PSMD13: variants seen among roughly 807,000 people sequenced by gnomAD.
PSMD13 encodes the protein 26S proteasome non-ATPase regulatory subunit 13.
PSMD13 carries 8 observed loss-of-function variants against 57.4 expected under a neutral mutation model. The observed-to-expected ratio is 0.14, with a 90% confidence interval of 0.08 to 0.25. The LOEUF is 0.25. Ranked by LOEUF, PSMD13 falls within the 10% of genes least tolerant of loss-of-function variation. PSMD13 has a pLI of 1.00. For synonymous variants in PSMD13, 193 were observed against 168.2 expected (o/e 1.15, Z -1.14); for missense variants, 400 against 461.5 (o/e 0.87, Z 1.22).
intron 1 of PSMD13, among the ~76,000 whole-genome samples, chr11:238,631 A>T (rs1458589653): frequency 6.6e-6 from 1 of 152,216 alleles, no homozygotes; most frequent in Non-Finnish European, 1.5e-5. Context: ...AGATGGCGCC[A>T]CTGCACTACA....
chr11:246,233 G>A (rs982509697), intron 6 of PSMD13, among the ~76,000 whole-genome samples: 12 of 152,114 alleles, frequency 7.9e-5, no homozygotes, highest in East Asian at 3.9e-4. Flanking sequence ...GGCCAGGTGC[G>A]ATGGTCACAC....
At chr11:247,511 G>A in intron 7 of PSMD13, 63 bp downstream of exon 7, 1 of 1,545,328 alleles carries the variant, frequency 6.5e-7, no homozygotes, top group Non-Finnish European at 8.8e-7. Flanking sequence ...GCATCTGTGA[G>A]TTGCTTGAGG....
intron 1 of PSMD13, among the ~76,000 whole-genome samples, chr11:237,875 C>T (rs7481993): frequency 0.79 from 120,732 of 152,202 alleles, 48,187 homozygotes; most frequent in African/African-American, 0.88. Flanking sequence ...GGAGCTATTC[C>T]ATAGAAAATA....
At chr11:245,712 T>TTG (rs757481516) in intron 6 of PSMD13, among the ~76,000 whole-genome samples, 3 of 37,682 alleles carry the variant, frequency 8.0e-5, no homozygotes, top group African/African-American at 2.2e-4. Context: ...TTGTGTGTGT[T>TTG]TGTGTGTGTG....
rs776721555 is a variant in PSMD13, at chr11:237,099, G to A, written c.50G>A (p.Gly17Glu). The change falls in exon 1 of 13, where the codon GGG becomes GAG. Residue 17 changes from glycine (G) to glutamate (E), a missense_variant. Transcript: ENST00000532097. ...CAGCAGAGCCAGAACTCCGGGCCCG[G>A]GCAGCCCGCTGTGTGGCACCGTCTG... is the stretch of plus-strand genomic sequence containing the variant. ...FLQQSQNSGP[G>E]QPAVWHRLEE... 6.2e-7 allele frequency: 1 copy of A among 1,613,824 alleles called. No individual in the cohort carries two copies. The highest frequency in any genetic ancestry group is 1.7e-5 in the Admixed American group (1 of 60,022).
chr11:241,914 T>C (rs1259775221), intron 2 of PSMD13, among the ~76,000 whole-genome samples: 1 of 151,544 alleles, frequency 6.6e-6, no homozygotes, highest in African/African-American at 2.4e-5. Flanking sequence ...TGCTTCCTAG[T>C]CTGTGTCCCT....
intron 9 of PSMD13, among the ~76,000 whole-genome samples, chr11:249,900 G>A (rs941455317): frequency 8.6e-5 from 13 of 152,038 alleles, no homozygotes; most frequent in African/African-American, 2.4e-4. Flanking sequence ...AGTGGAGCAG[G>A]GTAGATATAG....
intron 6 of PSMD13, among the ~76,000 whole-genome samples, chr11:246,521 G>A (rs764872462): frequency 2.0e-5 from 3 of 152,134 alleles, no homozygotes; most frequent in Non-Finnish European, 4.4e-5. Context: ...GGAGATTTAG[G>A]TTGTTTTTTT....
At position 250,735 on chromosome 11, in the gene PSMD13, G is replaced by C. The variant is rs143393902; in HGVS notation, c.775-68G>C. ...GTCTACTGTTATAGAACGAATTCCA[G>C]ATCCCCAGTTAAGTAACTGATAAGC... On this transcript the variant is annotated intron_variant, in intron 9 of 12. Coordinates refer to ENST00000532097, the MANE Select transcript of PSMD13 (RefSeq NM_002817.4). 8.4e-4 allele frequency: 1,224 copies of C among 1,453,544 alleles called. 17 individuals carry two copies. The African/African-American group carries it at 0.014, about 17-fold the overall frequency. The allele number at this position is 1,453,544 out of a possible 1,614,324, so 90.0% of individuals were successfully genotyped here.
rs918805530 is a variant in PSMD13 at position 252,066 on chromosome 11, A to C, written c.1035+130A>C. On this transcript the variant is annotated intron_variant, in intron 12 of 12. Coordinates refer to ENST00000532097, the MANE Select transcript of PSMD13 (RefSeq NM_002817.4). The surrounding 1 kb of genome is among the most constrained non-coding windows in gnomAD (Gnocchi z 4.1). Reference sequence around the variant, plus strand: ...TTAGACAAGAGGTTTTGGAGAAGGAAATACTGCTGTTGGGTTTTTCTAAGA... The same window carrying C: ...TTAGACAAGAGGTTTTGGAGAAGGACATACTGCTGTTGGGTTTTTCTAAGA... The C allele has an allele frequency of 3.5e-6, 3 of 859,052 alleles. No individual in the cohort carries two copies. In the African/African-American group the frequency reaches 5.1e-5, roughly 15 times the overall value. 53.2% of individuals were successfully genotyped at this position (859,052 alleles called of 1,614,324 possible).
rs6541 is a variant in PSMD13, at chr11:252,851, A to G, written c.*251A>G. On this transcript the variant is annotated 3_prime_UTR_variant, in exon 13 of 13. Transcript: ENST00000532097. The surrounding 1 kb of genome is among the most constrained non-coding windows in gnomAD (Gnocchi z 4.1). ...GGGTCTTAGGTGATACGGGAGAGAA[A>G]GAACGTGCCAGGCAGGAGGCCCCCT... The G allele has an allele frequency of 0.19, 81,679 of 436,364 alleles. 9,381 individuals are homozygous for G. The highest frequency in any genetic ancestry group is 0.23 in the Non-Finnish European group (54,126 of 236,226). The allele number at this position is 436,364 out of a possible 1,614,324, so 27.0% of individuals were successfully genotyped here.
intron 9 of PSMD13, among the ~76,000 whole-genome samples, chr11:249,636 C>G (rs1221868031): frequency 7.0e-6 from 1 of 142,798 alleles, no homozygotes; most frequent in Non-Finnish European, 1.5e-5. Flanking sequence ...GAGGTCCATG[C>G]AGGGAGAACA....
In PSMD13 at chr11:251,056, G is replaced by C; in HGVS notation, c.837+191G>C. 1 of 584,418 alleles carries C rather than the reference G, an allele frequency of 1.7e-6. No homozygotes were observed. The highest frequency in any genetic ancestry group is 2.9e-5 in the Admixed American group (1 of 34,706). The allele number at this position is 584,418 out of a possible 1,614,324, so 36.2% of individuals were successfully genotyped here. On this transcript the variant is annotated intron_variant, in intron 10 of 12. Transcript: ENST00000532097. This position sits in a 1 kb window ranked among gnomAD's most constrained non-coding sequence, Gnocchi z 4.6. ...CTTCTAAGTTTATATTTGGCTCTTA[G>C]CTCAGACGACACCCTCCCACCCCAC...
At chr11:248,239 T>C (rs1859697656) in intron 7 of PSMD13, 2 of 155,376 alleles carry the variant, frequency 1.3e-5, no homozygotes, top group African/African-American at 4.8e-5. Flanking sequence ...GGAATATATG[T>C]TCAGAAAATA....
In PSMD13 at chr11:252,966, A is replaced by C; in HGVS notation, c.*366A>C. 3 of 174,442 alleles carry C rather than the reference A, an allele frequency of 1.7e-5. No homozygotes were observed. Among genetic ancestry groups the C allele is most frequent in the Admixed American group, 5.7e-5 (1 of 17,574 alleles). 10.8% of individuals were successfully genotyped at this position (174,442 alleles called of 1,614,324 possible). ...CGGTTTGAGAATGTTCCTATAATAA[A>C]CCCCTCTGCTTTGTTCTTCTTGTGG... On this transcript the variant is annotated 3_prime_UTR_variant, in exon 13 of 13. Coordinates refer to ENST00000532097, the MANE Select transcript of PSMD13 (RefSeq NM_002817.4). This position sits in a 1 kb window ranked among gnomAD's most constrained non-coding sequence, Gnocchi z 4.1.
chr11:250,906 A>G, intron 10 of PSMD13, 41 bp downstream of exon 10: 3 of 1,596,684 alleles, frequency 1.9e-6, no homozygotes, highest in Non-Finnish European at 2.6e-6. Context: ...GTGGTTTCAG[A>G]TTTTGGTCAG....
At chr11:237,822 ACCT>A (rs1859375746) in intron 1 of PSMD13, among the ~76,000 whole-genome samples, 1 of 152,122 alleles carries the variant, frequency 6.6e-6, no homozygotes, top group Admixed American at 6.5e-5. Flanking sequence ...CTAAGCACTA[ACCT>A]CCTTTTAATA....
rs539149175 is a variant in PSMD13, at chr11:237,196, G to A, written c.95+52G>A. On this transcript the variant is annotated intron_variant, in intron 1 of 12. Coordinates refer to ENST00000532097, the MANE Select transcript of PSMD13 (RefSeq NM_002817.4). ...GCCCCGGCGATAGAGGGAGACGGAG[G>A]GGGCAGGCGGGCGGAGGAGCGGACC... 32 of 1,542,776 alleles carry A rather than the reference G, an allele frequency of 2.1e-5. No homozygotes were observed. In the East Asian group the frequency reaches 2.5e-4, roughly 12 times the overall value.
intron 2 of PSMD13, chr11:243,308 C>G: frequency 2.5e-6 from 1 of 392,806 alleles, no homozygotes; most frequent in Non-Finnish European, 5.2e-6. Context: ...TTGAACATCA[C>G]GATTCCATTC....
Sources: gnomAD v4.1 joint callset for allele counts (sites outside exome capture counted in the v4.1 genomes callset) on GRCh38, gnomAD v4.1.1 for gene constraint, Gnocchi (gnomAD v3.1) non-coding constraint, MANE v1.5 for transcripts, NCBI Gene and HGNC (gene_info 2026-07-23, HGNC 2026-07-21) for gene names.